Variants in FER1L5 observed in about 807,000 individuals in gnomAD.
The protein encoded by FER1L5 is fer-1-like protein 5.
Under a neutral mutation model 279.9 loss-of-function variants are expected in FER1L5, and 187 were observed. The observed-to-expected ratio is 0.67, with a 90% confidence interval of 0.59 to 0.75. FER1L5 has a LOEUF of 0.75. Among genes scored for constraint, FER1L5 ranks in the 30% least tolerant of loss-of-function variants. The pLI, the probability that FER1L5 is intolerant of heterozygous loss-of-function variation, is 0.00. For missense variants in FER1L5, 2,091 were observed against 2,594.4 expected (o/e 0.81, Z 4.21); for synonymous variants, 921 against 989.7 (o/e 0.93, Z 1.30).
At chr2:96,662,314 A>G in intron 13 of FER1L5, 47 bp downstream of exon 13, 1 of 1,539,920 alleles carries the variant, frequency 6.5e-7, no homozygotes, top group Non-Finnish European at 8.8e-7. Context: ...GCATCTAGAG[A>G]AAGTAGTTTG....
Position 96,642,797 on chromosome 2 carries a change from G to T in FER1L5, c.-40G>T. 1.9e-6 allele frequency: 3 copies of T among 1,543,300 alleles called. No homozygotes were observed. The highest frequency in any genetic ancestry group is 2.6e-6 in the Non-Finnish European group (3 of 1,142,080). ...GAGGAGCTCCAAAAAGGAAGCTGTG[G>T]CGCTGCGTAGGGAAGGAGGGAAGAA... is the stretch of plus-strand genomic sequence containing the variant. On this transcript the variant is annotated 5_prime_UTR_variant, in exon 1 of 53. Coordinates refer to ENST00000624922, the MANE Select transcript of FER1L5 (RefSeq NM_001293083.2).
At position 96,701,830 on chromosome 2, in the gene FER1L5, C is replaced by T. The variant is rs553574368; in HGVS notation, c.5071-125C>T. 2.6e-5 allele frequency: 22 copies of T among 834,632 alleles called. No homozygotes were observed. In the East Asian group the frequency reaches 5.5e-4, roughly 21 times the overall value. The allele number at this position is 834,632 out of a possible 1,614,324, so 51.7% of individuals were successfully genotyped here. On this transcript the variant is annotated intron_variant, in intron 45 of 52. Transcript: ENST00000624922. ...CTGCGGCCTCACAGATATCTCTGTA[C>T]CCCACCCCTCGGTGTTGGGAACACA...
rs1440464249 is a variant in FER1L5 at position 96,650,290 on chromosome 2, G to A, written c.504+1G>A. 1 of 1,550,864 alleles carries A rather than the reference G, an allele frequency of 6.4e-7. No individual in the cohort carries two copies. The highest frequency in any genetic ancestry group is 1.4e-5 in the African/African-American group (1 of 73,020). On this transcript the variant is annotated splice_donor_variant, in intron 6 of 52. Coordinates refer to ENST00000624922, the MANE Select transcript of FER1L5 (RefSeq NM_001293083.2). LOFTEE classifies it high-confidence loss of function. ...GTCCTCAAAGCCTCAGCACTTTCAG[G>A]TGAGGACCTTCCAGGTTGCAAGTTC...
chr2:96,650,845 C>T (rs2075330975), intron 6 of FER1L5, among the ~76,000 whole-genome samples: 1 of 152,212 alleles, frequency 6.6e-6, no homozygotes, highest in Non-Finnish European at 1.5e-5. Context: ...ACTCCTCTTC[C>T]TGCACCCAAG....
intron 9 of FER1L5, among the ~76,000 whole-genome samples, chr2:96,656,895 A>C (rs2075621222): frequency 6.6e-6 from 1 of 151,636 alleles, no homozygotes. Flanking sequence ...TCTAGAGTTT[A>C]GATTAGTCTG....
At chr2:96,644,187 AAAAG>A (rs1193627544) in intron 1 of FER1L5, among the ~76,000 whole-genome samples, 4 of 150,226 alleles carry the variant, frequency 2.7e-5, no homozygotes, top group East Asian at 1.9e-4. Flanking sequence ...AAAAAAAAAA[AAAAG>A]AAAGAGGCTG....
chr2:96,689,459 C>G lies in FER1L5; in HGVS notation c.2525+83C>G. 2 of 1,526,056 alleles carry G rather than the reference C, an allele frequency of 1.3e-6. No homozygotes were observed. Among genetic ancestry groups the G allele is most frequent in the Non-Finnish European group, 8.8e-7 (1 of 1,134,522 alleles). 94.5% of individuals were successfully genotyped at this position (1,526,056 alleles called of 1,614,324 possible). A position where few individuals can be genotyped will look rare whatever the true frequency, so the allele number is the denominator to read the frequency against. ...CCGCGGCAGCCCAGAAAGATGGGTA[C>G]CTAGCCCCTAAGCCTGGTGCCAGAG... On this transcript the variant is annotated intron_variant, in intron 25 of 52. Coordinates refer to ENST00000624922, the MANE Select transcript of FER1L5 (RefSeq NM_001293083.2). The surrounding 1 kb of genome is among the most constrained non-coding windows in gnomAD (Gnocchi z 4.6).
Position 96,686,282 on chromosome 2 carries a change from C to G in FER1L5, c.2161C>G (p.Leu721Val). Residue 721 changes from leucine to valine, a missense_variant, in exon 23 of 53, where the codon CTC becomes GTC. Leu to Val is a conservative substitution (Grantham distance 32, BLOSUM62 1). Transcript: ENST00000624922. ...AYAQVPAHSV[L>V]FSPAGALHSG... is the part of the protein sequence containing the mutation. The stretch of plus-strand genomic sequence containing the variant: ...TGCACAGGTGCCTGCCCACTCCGTC[C>G]TCTTCTCCCCGGCAGGGGCTCTGCA... 1 of 1,551,674 alleles carries G rather than the reference C, an allele frequency of 6.4e-7. No individual in the cohort carries two copies. The highest frequency in any genetic ancestry group is 8.7e-7 in the Non-Finnish European group (1 of 1,146,988).
chr2:96,684,408 G>C lies in FER1L5; in HGVS notation c.1751G>C (p.Arg584Pro), dbSNP rs1051579171. ...VTSNWEDVSFRMNCLNLLHFT... is the reference protein window; with the variant it reads ...VTSNWEDVSFPMNCLNLLHFT... ...TCCAACTGGGAGGACGTCAGCTTCC[G>C]CATGAACTGCCTCAACCTCCTCCAC... Residue 584 changes from arginine (R) to proline (P), a missense_variant, in exon 20 of 53, where the codon CGC becomes CCC. By Grantham distance (103) the Arg-to-Pro change is moderately radical. Transcript: ENST00000624922. The C allele has an allele frequency of 2.6e-6, 4 of 1,551,502 alleles. No individual in the cohort carries two copies. The highest frequency in any genetic ancestry group is 1.2e-5 in the South Asian group (1 of 84,062).
At chr2:96,674,358 G>A (rs1195115455) in intron 19 of FER1L5, among the ~76,000 whole-genome samples, 6 of 152,244 alleles carry the variant, frequency 3.9e-5, no homozygotes, top group South Asian at 4.1e-4. Flanking sequence ...GAGTAGCTGG[G>A]ACTACAGGCA....
chr2:96,698,208 C>T lies in FER1L5; in HGVS notation c.4356+52C>T. ...CCCTGTCTCCTTGTGCACCTTCTGT[C>T]CCTGGAAAACGAATAAAAGCCCTGG... On this transcript the variant is annotated intron_variant, in intron 40 of 52. Transcript: ENST00000624922. The surrounding 1 kb of genome is among the most constrained non-coding windows in gnomAD (Gnocchi z 5.5). The T allele has an allele frequency of 6.6e-7, 1 of 1,522,114 alleles. No individual in the cohort carries two copies. 94.3% of individuals were successfully genotyped at this position (1,522,114 alleles called of 1,614,324 possible). A position where few individuals can be genotyped will look rare whatever the true frequency, so the allele number is the denominator to read the frequency against.
rs759159854 is a variant in FER1L5, at chr2:96,691,586, C to T, written c.3049C>T (p.Pro1017Ser). 2 of 1,540,020 alleles carry T rather than the reference C, an allele frequency of 1.3e-6. No individual in the cohort carries two copies. Among genetic ancestry groups the T allele is most frequent in the Non-Finnish European group, 1.8e-6 (2 of 1,141,654 alleles). Residue 1017 changes from proline to serine, a missense_variant, in exon 29 of 53, where the codon CCC becomes TCC. By Grantham distance (74) the Pro-to-Ser change is moderately conservative. Transcript: ENST00000624922. This position sits in a 1 kb window ranked among gnomAD's most constrained non-coding sequence, Gnocchi z 6.0. ...LAPNKDKGIAPIFLLEGSLAM... is the reference protein window; with the variant it reads ...LAPNKDKGIASIFLLEGSLAM... ...CCCCAACAAGGACAAGGGCATCGCG[C>T]CCATATTCCTCCTGGAGGGGTCCTT... is the stretch of plus-strand genomic sequence containing the variant.
At chr2:96,656,043 G>T (rs1479657601) in intron 9 of FER1L5, among the ~76,000 whole-genome samples, 1 of 151,820 alleles carries the variant, frequency 6.6e-6, no homozygotes, top group Admixed American at 6.6e-5. Flanking sequence ...TTTTATTTTG[G>T]TATCATGAAC....
intron 9 of FER1L5, among the ~76,000 whole-genome samples, chr2:96,656,521 T>C (rs1407677838): frequency 6.6e-6 from 1 of 152,180 alleles, no homozygotes; most frequent in Non-Finnish European, 1.5e-5. Flanking sequence ...TCCCAGCTAC[T>C]CATGAGGCTG....
chr2:96,690,543 TAAG>T lies in FER1L5; in HGVS notation c.2701_2703del (p.Lys901del). 6.4e-7 allele frequency: 1 copy of T among 1,551,644 alleles called. No homozygotes were observed. Among genetic ancestry groups the T allele is most frequent in the Non-Finnish European group, 8.7e-7 (1 of 1,146,956 alleles). ...TGAAGTGCCCCCAAGGCTGGCACTT[TAAG>T]AAGGACTGGGTGGTGGAGCTGAACC... On this transcript the variant is annotated inframe_deletion, in exon 27 of 53. Transcript: ENST00000624922.
intron 19 of FER1L5, among the ~76,000 whole-genome samples, chr2:96,677,890 T>G (rs1383339112): frequency 1.3e-5 from 2 of 151,446 alleles, no homozygotes; most frequent in Admixed American, 6.6e-5. Flanking sequence ...AGAATAAAGC[T>G]GCTGTGAACA....
intron 9 of FER1L5, among the ~76,000 whole-genome samples, chr2:96,657,318 G>A (rs752075199): frequency 2.6e-5 from 4 of 151,762 alleles, no homozygotes; most frequent in African/African-American, 9.7e-5. Flanking sequence ...CAAGTGATCC[G>A]CCCGCCTCAG....
rs367720408 is a variant in FER1L5 at position 96,696,046 on chromosome 2, G to A, written c.4058-6G>A. 219 of 1,613,588 alleles carry A rather than the reference G, an allele frequency of 1.4e-4. No homozygotes were observed. Among genetic ancestry groups the A allele is most frequent in the Non-Finnish European group, 1.8e-4 (210 of 1,179,858 alleles). On this transcript the variant is annotated splice_region_variant and splice_polypyrimidine_tract_variant and intron_variant, in intron 36 of 52. Coordinates refer to ENST00000624922, the MANE Select transcript of FER1L5 (RefSeq NM_001293083.2). ...TGAGACTCGTCCCTGCGCTCTCCCC[G>A]CACAGCGCTGTCTGAGAAGAAGCAC...
intron 15 of FER1L5, 25 bp from the exon 16 acceptor site, chr2:96,668,861 G>A: frequency 6.4e-7 from 1 of 1,551,714 alleles, no homozygotes; most frequent in Non-Finnish European, 8.7e-7. Context: ...CGGGGGCTCA[G>A]CCTGAGGAGT....
Sources: allele counts gnomAD v4.1 joint callset (sites outside exome capture counted in the v4.1 genomes callset), GRCh38; gene constraint gnomAD v4.1.1; non-coding constraint Gnocchi (gnomAD v3.1); transcripts MANE v1.5; gene names NCBI Gene and HGNC (gene_info 2026-07-23, HGNC 2026-07-21).